The following GMDS variants were observed in gnomAD, a reference collection of about 807,000 sequenced individuals.
The protein encoded by GMDS is GDP-mannose 4,6-dehydratase.
In GMDS, 20 loss-of-function variants were observed where a neutral mutation model predicts 49.9. The ratio of observed to expected loss-of-function variants is 0.40; its 90% CI spans 0.28 to 0.58. The LOEUF is 0.58. Ranked by LOEUF, GMDS falls within the 20% of genes least tolerant of loss-of-function variation. The pLI is 0.42. For synonymous variants in GMDS, 177 were observed against 178.6 expected, an observed-to-expected ratio of 0.99 and a Z score of 0.07; for missense variants, 362 against 481.4, an observed-to-expected ratio of 0.75 and a Z score of 2.32.
chr6:1,787,098 T>C (rs946826528), intron 7 of GMDS, among the ~76,000 whole-genome samples: 1 of 152,218 alleles, frequency 6.6e-6, no homozygotes, highest in Non-Finnish European at 1.5e-5. Flanking sequence ...GCTAATAGAC[T>C]TGAACATTTA....
intron 1 of GMDS, among the ~76,000 whole-genome samples, chr6:2,200,947 T>G (rs996269780): frequency 2.2e-5 from 3 of 134,440 alleles, no homozygotes; most frequent in African/African-American, 5.7e-5. Context: ...AGCAGAGAGA[T>G]GAAGGATGAA....
intron 6 of GMDS, among the ~76,000 whole-genome samples, chr6:1,950,459 G>A (rs1763284757): frequency 6.6e-6 from 1 of 152,202 alleles, no homozygotes; most frequent in African/African-American, 2.4e-5. Flanking sequence ...CTTGGCTCGT[G>A]AATCAGTGGG....
chr6:1,938,423 A>C (rs1762652472), intron 6 of GMDS, among the ~76,000 whole-genome samples: 1 of 152,196 alleles, frequency 6.6e-6, no homozygotes, highest in African/African-American at 2.4e-5. Context: ...TATTTGAAAG[A>C]AGTTTTGCTA....
In GMDS at chr6:2,112,949, C is replaced by T. The variant is rs75579305; in HGVS notation, c.345+2822G>A. ...AAGATTCAATCTTCAGTCCTCTACC[C>T]GTCTTTCTCCAGTTACTACTTGGCA... On this transcript the variant is annotated intron_variant, in intron 4 of 10. Transcript: ENST00000380815. 6.6e-5 allele frequency among the ~76,000 whole-genome samples: 10 copies of T among 152,216 alleles called. No homozygotes were observed. In the East Asian group the frequency reaches 7.7e-4, roughly 12 times the overall value.
chr6:1,942,913 C>G (rs1762886743), intron 6 of GMDS, among the ~76,000 whole-genome samples: 1 of 152,258 alleles, frequency 6.6e-6, no homozygotes, highest in African/African-American at 2.4e-5. Context: ...AGGCCCTTAT[C>G]ATTTTCTTTA....
intron 1 of GMDS, among the ~76,000 whole-genome samples, chr6:2,231,293 C>A (rs1468249361): frequency 6.6e-6 from 1 of 152,116 alleles, no homozygotes; most frequent in Non-Finnish European, 1.5e-5. Flanking sequence ...AACAGTGGCT[C>A]ACACCTGTTA....
At chr6:1,629,585 C>A (rs1207050942) in intron 9 of GMDS, among the ~76,000 whole-genome samples, 1 of 152,140 alleles carries the variant, frequency 6.6e-6, no homozygotes. Flanking sequence ...TCCGTGGCCA[C>A]CCTTATGGAG....
At chr6:2,184,660 T>C (rs1778698745) in intron 1 of GMDS, among the ~76,000 whole-genome samples, 1 of 152,222 alleles carries the variant, frequency 6.6e-6, no homozygotes, top group African/African-American at 2.4e-5. Flanking sequence ...TGTTTTTCAT[T>C]GTCAATCTGT....
chr6:1,879,367 G>A (rs902732597), intron 7 of GMDS, among the ~76,000 whole-genome samples: 3 of 152,114 alleles, frequency 2.0e-5, no homozygotes, highest in Non-Finnish European at 2.9e-5. Context: ...TGCACCCCTC[G>A]CATAGGGTGA....
intron 4 of GMDS, among the ~76,000 whole-genome samples, chr6:2,009,289 G>A (rs1486001010): frequency 6.6e-6 from 1 of 152,144 alleles, no homozygotes; most frequent in Non-Finnish European, 1.5e-5. Context: ...AGTGAAACAG[G>A]CTCCATTTAG....
At chr6:2,069,027 C>T (rs557468277) in intron 4 of GMDS, among the ~76,000 whole-genome samples, 178 of 152,276 alleles carry the variant, frequency 1.2e-3, no homozygotes, top group Admixed American at 4.4e-3. Context: ...TACTATAAGG[C>T]TACAGTAACC....
intron 4 of GMDS, among the ~76,000 whole-genome samples, chr6:1,966,955 A>G (rs1317988455): frequency 6.6e-6 from 1 of 152,088 alleles, no homozygotes; most frequent in Non-Finnish European, 1.5e-5. Context: ...GTTCAATTTG[A>G]GTCCTCCCCC....
chr6:1,749,805 TC>T (rs778206906), intron 7 of GMDS, among the ~76,000 whole-genome samples: 1 of 152,132 alleles, frequency 6.6e-6, no homozygotes, highest in Non-Finnish European at 1.5e-5. Context: ...TAAATTTTCT[TC>T]AAATGTCATG....
intron 7 of GMDS, among the ~76,000 whole-genome samples, chr6:1,792,286 T>C (rs1218885297): frequency 6.6e-6 from 1 of 152,104 alleles, no homozygotes; most frequent in Non-Finnish European, 1.5e-5. Context: ...TATATCATTT[T>C]CTCACACTCT....
rs371948693 is a variant in GMDS at position 1,887,728 on chromosome 6, C to G, written c.771+42375G>C. 1.2e-3 allele frequency among the ~76,000 whole-genome samples: 188 copies of G among 152,260 alleles called. 2 individuals are homozygous for G. Among genetic ancestry groups the G allele is most frequent in the African/African-American group, 4.3e-3 (178 of 41,532 alleles). On this transcript the variant is annotated intron_variant, in intron 7 of 10. Coordinates refer to ENST00000380815, the MANE Select transcript of GMDS (RefSeq NM_001500.4). ...CAAATTACTTAAAAACTACTCCATA[C>G]AGGTATTCTTCAGTATTTACAGAGG... is the stretch of plus-strand genomic sequence containing the variant.
chr6:2,101,523 C>T (rs769373673), intron 4 of GMDS, among the ~76,000 whole-genome samples: 2 of 150,970 alleles, frequency 1.3e-5, no homozygotes, highest in Non-Finnish European at 3.0e-5. Context: ...AAGTGGAATC[C>T]CCAGTTAGAA....
chr6:1,751,529 C>G (rs372446923), intron 7 of GMDS, among the ~76,000 whole-genome samples: 8 of 152,342 alleles, frequency 5.3e-5, no homozygotes, highest in South Asian at 4.1e-4. Flanking sequence ...GAATGTCGCT[C>G]TGTTGCCAGG....
At chr6:2,207,687 T>C (rs1363805939) in intron 1 of GMDS, among the ~76,000 whole-genome samples, 2 of 151,978 alleles carry the variant, frequency 1.3e-5, no homozygotes, top group Non-Finnish European at 2.9e-5. Flanking sequence ...GAATGAATAC[T>C]ACCCCTAAGA....
intron 7 of GMDS, among the ~76,000 whole-genome samples, chr6:1,862,180 C>G (rs898550620): frequency 6.6e-6 from 1 of 152,212 alleles, no homozygotes; most frequent in Non-Finnish European, 1.5e-5. Flanking sequence ...ACTTCGCATT[C>G]TTCATAAACC....
Sources: allele counts gnomAD v4.1 joint callset (sites outside exome capture counted in the v4.1 genomes callset), GRCh38; gene constraint gnomAD v4.1.1; transcripts MANE v1.5; gene names NCBI Gene and HGNC (gene_info 2026-07-23, HGNC 2026-07-21).